PHF20L1: variants seen among roughly 807,000 people sequenced by gnomAD.
The protein encoded by PHF20L1 is PHD finger protein 20 like 1.
In PHF20L1, 44 loss-of-function variants were observed where a neutral mutation model predicts 125.5. The ratio of observed to expected loss-of-function variants is 0.35; its 90% confidence interval spans 0.28 to 0.45. The LOEUF (loss-of-function observed/expected upper bound fraction) is 0.45. Among genes scored for constraint, PHF20L1 ranks in the 20% least tolerant of loss-of-function variants. The pLI, the probability that PHF20L1 is intolerant of heterozygous loss-of-function variation, is 1.00. For synonymous variants in PHF20L1, 380 were observed against 403.1 expected, an observed-to-expected ratio of 0.94 and a Z score of 0.69; for missense variants, 1,012 against 1,217.2, an observed-to-expected ratio of 0.83 and a Z score of 2.51.
At chr8:132,816,805 A>G (rs1452301822) in intron 10 of PHF20L1, 83 bp from the exon 11 acceptor site, 9 of 897,572 alleles carry the variant, frequency 1.0e-5, no homozygotes, top group Non-Finnish European at 1.6e-5. Context: ...AATATAAATC[A>G]TTTTTTCCCA....
In PHF20L1 at chr8:132,817,020, A is replaced by G; in HGVS notation, c.1316A>G (p.Asp439Gly). ...EKVSSPSPAT[D>G]GKVFSISSQN... ...GTTTCTTCTCCCTCTCCAGCCACTG[A>G]TGGGAAAGTATTCTCCATCAGTTCT... Residue 439 changes from aspartate (D) to glycine (G), a missense_variant, in exon 11 of 21, where the codon GAT (aspartate) becomes GGT (glycine). Around this residue, in one of 7 missense-constraint regions of PHF20L1, gnomAD observed 320 missense variants for 293.8 expected, o/e 1.09. Transcript: ENST00000395386. 6.2e-7 allele frequency: 1 copy of G among 1,607,482 alleles called. No individual in the cohort carries two copies. The highest frequency in any genetic ancestry group is 8.5e-7 in the Non-Finnish European group (1 of 1,176,686).
chr8:132,777,835 A>T lies in PHF20L1; in HGVS notation c.7A>T (p.Lys3Ter). Reference sequence around the variant, plus strand: ...TGAAGAATAGGATCTCAAGATGAGTAAAAAGCCCCCAAATCGCCCTGGAAT... The same window carrying T: ...TGAAGAATAGGATCTCAAGATGAGTTAAAAGCCCCCAAATCGCCCTGGAAT... MS[K>*]KPPNRPGITF... Residue 3 changes from lysine (K) to a stop codon, truncating the protein, a stop_gained, in exon 2 of 21, where the codon AAA becomes TAA. Transcript: ENST00000395386. LOFTEE classifies it high-confidence loss of function. 1 of 1,610,918 alleles carries T rather than the reference A, an allele frequency of 6.2e-7. No individual in the cohort carries two copies. The highest frequency in any genetic ancestry group is 8.5e-7 in the Non-Finnish European group (1 of 1,177,172).
chr8:132,775,897 T>G (rs1469376770), intron 1 of PHF20L1, among the ~76,000 whole-genome samples: 1 of 152,174 alleles, frequency 6.6e-6, no homozygotes, highest in Admixed American at 6.5e-5. Context: ...CTTTCCTGCC[T>G]GTCTCGTGCC....
intron 2 of PHF20L1, among the ~76,000 whole-genome samples, chr8:132,781,452 C>T (rs1478658774): frequency 5.9e-5 from 9 of 152,040 alleles, no homozygotes; most frequent in East Asian, 5.8e-4. Context: ...CTTGCTCTTT[C>T]GCCAGTCTGG....
chr8:132,791,592 G>A (rs1182992912), intron 2 of PHF20L1, among the ~76,000 whole-genome samples: 3 of 152,148 alleles, frequency 2.0e-5, no homozygotes, highest in Non-Finnish European at 4.4e-5. Flanking sequence ...ATAGTGCCTA[G>A]CAAGTGCCTT....
chr8:132,833,352 A>T (rs1783278145), intron 15 of PHF20L1, among the ~76,000 whole-genome samples: 1 of 152,032 alleles, frequency 6.6e-6, no homozygotes, highest in Non-Finnish European at 1.5e-5. Flanking sequence ...AGCTCATGAC[A>T]CTTGTGAGAT....
intron 8 of PHF20L1, chr8:132,808,434 A>G (rs1267320030): frequency 6.6e-6 from 1 of 151,992 alleles, no homozygotes; most frequent in Non-Finnish European, 1.5e-5. Flanking sequence ...TATTTCATCT[A>G]TTGAGTATTA....
In PHF20L1 at chr8:132,825,361, T is replaced by G; in HGVS notation, c.1734T>G (p.Ser578=). The G allele has an allele frequency of 6.7e-7, 1 of 1,501,620 alleles. No individual in the cohort carries two copies. Among genetic ancestry groups the G allele is most frequent in the Non-Finnish European group, 9.0e-7 (1 of 1,114,896 alleles). The allele number at this position is 1,501,620 out of a possible 1,614,324, so 93.0% of individuals were successfully genotyped here. Residue 578 remains serine, a synonymous_variant, in exon 14 of 21, where the codon TCT becomes TCG. Coordinates refer to ENST00000395386, the MANE Select transcript of PHF20L1 (RefSeq NM_016018.5). ...QKKKKKKKKK[S]KQHDYSDYED... ...AGAAGAAAAAAAAGAAAAAGAAATC[T>G]AAGCAACATGGTAAGTACACTGAGA...
At chr8:132,832,772 A>T (rs991186057) in intron 15 of PHF20L1, among the ~76,000 whole-genome samples, 3 of 152,104 alleles carry the variant, frequency 2.0e-5, no homozygotes, top group Non-Finnish European at 4.4e-5. Flanking sequence ...TTAAAACTCT[A>T]ACCAAGGTCT....
intron 15 of PHF20L1, 100 bp from the exon 16 acceptor site, chr8:132,836,440 G>A (rs2293997): frequency 0.31 from 231,350 of 740,802 alleles, 39,178 homozygotes; most frequent in South Asian, 0.45. Context: ...TTTTTAAAAT[G>A]TTTAATAGCT....
intron 18 of PHF20L1, 197 bp from the exon 19 acceptor site, chr8:132,842,318 C>T: frequency 4.5e-6 from 2 of 440,650 alleles, no homozygotes; most frequent in Admixed American, 3.9e-5. Flanking sequence ...TATTGCTTTT[C>T]TGAGTATTAT....
rs762794037 is a variant in PHF20L1, at chr8:132,837,753, G to T, written c.2133G>T (p.Gly711=). 1 of 1,613,140 alleles carries T rather than the reference G, an allele frequency of 6.2e-7. No homozygotes were observed. Among genetic ancestry groups the T allele is most frequent in the Admixed American group, 1.7e-5 (1 of 59,918 alleles). The part of the protein sequence containing the change: ...CLCWQHSVCM[G]LLEESIPEQY... The stretch of plus-strand genomic sequence containing the variant: ...GTTGGCAACACAGCGTGTGCATGGG[G>T]CTGCTGGAGGAGAGCATTCCAGAGC... Residue 711 remains glycine (G), a synonymous_variant, in exon 17 of 21, where the codon GGG becomes GGT. Coordinates refer to ENST00000395386, the MANE Select transcript of PHF20L1 (RefSeq NM_016018.5).
intron 10 of PHF20L1, chr8:132,815,636 AAT>A (rs1834891343): frequency 6.6e-6 from 1 of 151,926 alleles, no homozygotes; most frequent in South Asian, 2.1e-4. Context: ...CAGTTGAGTG[AAT>A]ATGACATGTT....
chr8:132,805,541 A>C (rs1833586782), intron 8 of PHF20L1, among the ~76,000 whole-genome samples: 1 of 151,994 alleles, frequency 6.6e-6, no homozygotes, highest in Non-Finnish European at 1.5e-5. Flanking sequence ...TTCATGATTT[A>C]GTCATATGTT....
chr8:132,792,235 T>A (rs1831806663), intron 2 of PHF20L1, among the ~76,000 whole-genome samples: 1 of 152,212 alleles, frequency 6.6e-6, no homozygotes, highest in African/African-American at 2.4e-5. Flanking sequence ...AATATCTTTT[T>A]ATAGTACTTC....
intron 2 of PHF20L1, among the ~76,000 whole-genome samples, chr8:132,787,273 GGA>G (rs1294593001): frequency 4.0e-5 from 6 of 151,800 alleles, no homozygotes; most frequent in African/African-American, 1.5e-4. Context: ...GGGGGTGGGA[GGA>G]GAGAGGAACA....
At chr8:132,782,146 A>G (rs1414912611) in intron 2 of PHF20L1, among the ~76,000 whole-genome samples, 5 of 152,210 alleles carry the variant, frequency 3.3e-5, no homozygotes, top group Non-Finnish European at 5.9e-5. Flanking sequence ...ACATCATAAG[A>G]ATAAAAATGA....
chr8:132,807,910 G>A (rs1433137447), intron 8 of PHF20L1: 1 of 333,198 alleles, frequency 3.0e-6, no homozygotes, highest in Non-Finnish European at 5.8e-6. Context: ...AAGAGGGCCT[G>A]TTAGTAATAC....
intron 14 of PHF20L1, among the ~76,000 whole-genome samples, chr8:132,828,940 T>C (rs1836484115): frequency 1.3e-5 from 2 of 152,088 alleles, no homozygotes; most frequent in East Asian, 1.9e-4. Context: ...CATAAATCTC[T>C]ACCAGGAAGG....
Sources: allele counts gnomAD v4.1 joint callset (sites outside exome capture counted in the v4.1 genomes callset), GRCh38; gene constraint gnomAD v4.1.1; regional missense constraint gnomAD v4.1.1; transcripts MANE v1.5; gene names NCBI Gene and HGNC (gene_info 2026-07-23, HGNC 2026-07-21).